PLXNA2: variants seen among roughly 807,000 people sequenced by gnomAD.
PLXNA2 encodes plexin A2.
PLXNA2 carries 91 observed loss-of-function variants against 193.5 expected under a neutral mutation model. The observed-to-expected ratio is 0.47, with a 90% confidence interval of 0.40 to 0.56. The LOEUF (loss-of-function observed/expected upper bound fraction) is 0.56, where lower values mean the gene tolerates loss of function less well. PLXNA2 is among the 20% of genes least tolerant of loss of function. The probability of loss-of-function intolerance (pLI) is 0.00; values close to 1 mark genes in which losing one functional copy is unlikely to be tolerated. For missense variants in PLXNA2, 1,995 were observed against 2,503.2 expected (o/e 0.80, Z 4.33); for synonymous variants, 997 against 1,027.3 (o/e 0.97, Z 0.56).
Position 208,124,942 on chromosome 1 carries a change from A to G in PLXNA2, c.1506+17387T>C, listed in dbSNP as rs147706464. ...GAGAACGAGGGCAGAAGCTCAGAGAATGGGGTATAGCCATGACATTCGGGT... is the reference window on the plus strand; with the variant it reads ...GAGAACGAGGGCAGAAGCTCAGAGAGTGGGGTATAGCCATGACATTCGGGT... On this transcript the variant is annotated intron_variant, in intron 4 of 31. Coordinates refer to ENST00000367033, the MANE Select transcript of PLXNA2 (RefSeq NM_025179.4). Among the ~76,000 whole-genome samples the G allele has an allele frequency of 2.9e-4, 44 of 152,240 alleles. No homozygotes were observed. In the East Asian group the frequency reaches 6.8e-3, roughly 23 times the overall value.
chr1:208,179,076 G>GTGATGAGGCCCCACAAGCATGACAGCAC (rs1669756356), intron 3 of PLXNA2, among the ~76,000 whole-genome samples: 1 of 152,188 alleles, frequency 6.6e-6, no homozygotes, highest in Non-Finnish European at 1.5e-5. Flanking sequence ...GCTGGGCCTG[G>GTGATGAGGCCCCACAAGCATGACAGCAC]GCTACGGAGA....
At chr1:208,243,087 C>T (rs1292961761) in intron 1 of PLXNA2, among the ~76,000 whole-genome samples, 1 of 152,198 alleles carries the variant, frequency 6.6e-6, no homozygotes, top group East Asian at 1.9e-4. Flanking sequence ...GAATCTCTCC[C>T]TGAGCCTTAT....
At chr1:208,034,357 A>G in intron 27 of PLXNA2, 136 bp downstream of exon 27, 1 of 635,506 alleles carries the variant, frequency 1.6e-6, no homozygotes, top group East Asian at 2.8e-5. Context: ...GGGAGGACAG[A>G]AACCAACTGG....
chr1:208,211,198 T>C (rs960872394), intron 2 of PLXNA2, among the ~76,000 whole-genome samples: 2 of 152,220 alleles, frequency 1.3e-5, no homozygotes, highest in Non-Finnish European at 2.9e-5. Flanking sequence ...ATGCAAAAGA[T>C]TTGTGTTAAG....
intron 1 of PLXNA2, among the ~76,000 whole-genome samples, chr1:208,229,046 G>T (rs1671601864): frequency 6.6e-6 from 1 of 152,226 alleles, no homozygotes; most frequent in Non-Finnish European, 1.5e-5. Flanking sequence ...TGAGGAGGAG[G>T]AGAAGATGCT....
chr1:208,206,737 C>G (rs1670739316), intron 3 of PLXNA2, among the ~76,000 whole-genome samples: 2 of 151,576 alleles, frequency 1.3e-5, no homozygotes, highest in African/African-American at 4.9e-5. Flanking sequence ...ATGCACTGAC[C>G]CTTAGCTTAT....
chr1:208,066,805 G>A (rs1431645175), intron 12 of PLXNA2, among the ~76,000 whole-genome samples: 1 of 152,156 alleles, frequency 6.6e-6, no homozygotes, highest in Non-Finnish European at 1.5e-5. Flanking sequence ...ATAAGGAGGT[G>A]GAAGACAGTG....
intron 1 of PLXNA2, among the ~76,000 whole-genome samples, chr1:208,232,523 C>T (rs991327951): frequency 5.3e-5 from 8 of 152,224 alleles, no homozygotes; most frequent in African/African-American, 1.9e-4. Context: ...CACTGACTTT[C>T]GTTTCTTTGC....
Position 208,045,079 on chromosome 1 carries a change from C to A in PLXNA2, c.3627G>T (p.Gln1209His), listed in dbSNP as rs1423685973. 1 of 1,614,076 alleles carries A rather than the reference C, an allele frequency of 6.2e-7. No individual in the cohort carries two copies. The highest frequency in any genetic ancestry group is 1.3e-5 in the African/African-American group (1 of 75,010). Residue 1209 changes from glutamine to histidine, a missense_variant, in exon 19 of 32, where the codon CAG becomes CAT. Gln to His is a conservative substitution (Grantham distance 24). Around this residue, in one of 3 missense-constraint regions of PLXNA2, gnomAD observed 1,291 missense variants for 1,673.6 expected, o/e 0.77. Transcript: ENST00000367033. ...AGGGCTCACTCACCATGACCTTGTGCTGCCCGGTGAGGTTGGGAGGCTCGC... is the reference window on the plus strand; with the variant it reads ...AGGGCTCACTCACCATGACCTTGTGATGCCCGGTGAGGTTGGGAGGCTCGC... ...LLCEPPNLTG[Q>H]HKVMVHVGGM...
In PLXNA2 at chr1:208,023,273, A is replaced by G. The variant is rs2102351992; in HGVS notation, c.*3970T>C. ...ATGCAAGACACAGCGTGGCTGGGAA[A>G]AAAAGACGGCCTCTCCTGGAGCAGC... On this transcript the variant is annotated 3_prime_UTR_variant, in exon 32 of 32. Transcript: ENST00000367033. 6.5e-6 allele frequency: 1 copy of G among 152,730 alleles called. No homozygotes were observed. The highest frequency in any genetic ancestry group is 2.4e-5 in the African/African-American group (1 of 41,558). The allele number at this position is 152,730 out of a possible 1,614,324, so 9.5% of individuals were successfully genotyped here. A position where few individuals can be genotyped will look rare whatever the true frequency, so the allele number is the denominator to read the frequency against.
intron 3 of PLXNA2, among the ~76,000 whole-genome samples, chr1:208,168,418 C>T (rs1249915535): frequency 6.6e-6 from 1 of 152,166 alleles, no homozygotes; most frequent in Non-Finnish European, 1.5e-5. Flanking sequence ...GTATTCCTAA[C>T]ATCTAGGAGG....
intron 3 of PLXNA2, among the ~76,000 whole-genome samples, chr1:208,180,889 C>T (rs1427918141): frequency 2.0e-5 from 3 of 152,172 alleles, no homozygotes; most frequent in South Asian, 2.1e-4. Flanking sequence ...AGGGAGTAAC[C>T]GCTATTGGCC....
chr1:208,143,389 T>C lies in PLXNA2; in HGVS notation c.1372-926A>G, dbSNP rs750762514. The stretch of plus-strand genomic sequence containing the variant: ...ATTCAGTGGGCATGAGGGCTGAGAA[T>C]GTACATTTCTAACAAATTCCCCAGC... On this transcript the variant is annotated intron_variant, in intron 3 of 31. Coordinates refer to ENST00000367033, the MANE Select transcript of PLXNA2 (RefSeq NM_025179.4). 1.2e-4 allele frequency among the ~76,000 whole-genome samples: 19 copies of C among 152,226 alleles called. 1 individual carries two copies. Among genetic ancestry groups the C allele is most frequent in the Admixed American group, 4.6e-4 (7 of 15,282 alleles).
At position 208,028,967 on chromosome 1, in the gene PLXNA2, C is replaced by A. The variant is rs781351907; in HGVS notation, c.5301G>T (p.Thr1767=). 7.4e-6 allele frequency: 12 copies of A among 1,614,046 alleles called. No individual in the cohort carries two copies. The highest frequency in any genetic ancestry group is 9.3e-6 in the Non-Finnish European group (11 of 1,179,996). ...GGGCCACCACAGAGAGGCAGGCGTC[C>A]GTGATGCTGCCCTTGTGGATGTCAA... The part of the protein sequence containing the change: ...FVFDIHKGSI[T]DACLSVVAQT... The change falls in exon 30 of 32, where the codon ACG becomes ACT. Residue 1767 remains threonine (T), a synonymous_variant. Transcript: ENST00000367033. This position sits in a 1 kb window ranked among gnomAD's most constrained non-coding sequence, Gnocchi z 4.2.
chr1:208,173,348 A>T (rs774715125), intron 3 of PLXNA2, among the ~76,000 whole-genome samples: 1 of 152,256 alleles, frequency 6.6e-6, no homozygotes, highest in Non-Finnish European at 1.5e-5. Context: ...ATTTCCCTGC[A>T]CTATGAGCCC....
chr1:208,042,039 G>A, intron 22 of PLXNA2, 59 bp downstream of exon 22: 1 of 1,557,828 alleles, frequency 6.4e-7, no homozygotes. Flanking sequence ...GCTATAATGA[G>A]GTGCTCTGTC....
At chr1:208,079,829 G>A (rs540955734) in intron 11 of PLXNA2, among the ~76,000 whole-genome samples, 1 of 152,110 alleles carries the variant, frequency 6.6e-6, no homozygotes, top group Non-Finnish European at 1.5e-5. Context: ...TGTATATTAA[G>A]TGCTTAGCAC....
chr1:208,101,982 C>G (rs952897775), intron 5 of PLXNA2, among the ~76,000 whole-genome samples: 7 of 152,228 alleles, frequency 4.6e-5, no homozygotes, highest in African/African-American at 9.6e-5. Context: ...AGATTTACCC[C>G]CTTTTGCCAT....
intron 3 of PLXNA2, among the ~76,000 whole-genome samples, chr1:208,160,521 G>A (rs552029920): frequency 1.2e-4 from 18 of 152,338 alleles, no homozygotes; most frequent in African/African-American, 3.4e-4. Context: ...TCATTGTTGC[G>A]TGGCTTCCAC....
Sources: gnomAD v4.1 joint callset for allele counts (sites outside exome capture counted in the v4.1 genomes callset) on GRCh38, gnomAD v4.1.1 for gene constraint, gnomAD v4.1.1 regional missense constraint, Gnocchi (gnomAD v3.1) non-coding constraint, MANE v1.5 for transcripts, NCBI Gene and HGNC (gene_info 2026-07-23, HGNC 2026-07-21) for gene names.